The following ZNF697 variants were observed in gnomAD, a reference collection of about 807,000 sequenced individuals.
The protein encoded by ZNF697 is zinc finger protein 697.
A neutral mutation model predicts 32.4 loss-of-function variants in ZNF697; 23 were observed. The observed-to-expected ratio is 0.71, with a 90% confidence interval of 0.51 to 1.01. The LOEUF (loss-of-function observed/expected upper bound fraction) is 1.01. ZNF697 is among the 50% of genes least tolerant of loss of function. The probability of loss-of-function intolerance (pLI) is 0.00; values close to 1 mark genes in which losing one functional copy is unlikely to be tolerated. For synonymous variants in ZNF697, 418 were observed against 337.2 expected, an observed-to-expected ratio of 1.24 and a Z score of -2.62; for missense variants, 930 against 794.0, an observed-to-expected ratio of 1.17 and a Z score of -2.06.
Position 119,622,407 on chromosome 1 carries a change from T to TTCCACAAGG in ZNF697, c.*297_*298insCCTTGTGGA. On this transcript the variant is annotated 3_prime_UTR_variant, in exon 3 of 3. Coordinates refer to ENST00000421812, the MANE Select transcript of ZNF697 (RefSeq NM_001080470.2). Reference sequence around the variant, plus strand: ...TCCCACCCCAGCCCACGAACTGCCCTTCCTCAAAGTGCCTGGTCCTCCAAG... The same window carrying TTCCACAAGG: ...TCCCACCCCAGCCCACGAACTGCCCTTCCACAAGGTCCTCAAAGTGCCTGGTCCTCCAAG... 2.9e-6 allele frequency: 1 copy of TTCCACAAGG among 350,736 alleles called. No individual in the cohort carries two copies. The highest frequency in any genetic ancestry group is 5.0e-6 in the Non-Finnish European group (1 of 200,476). The allele number at this position is 350,736 out of a possible 1,614,324, so 21.7% of individuals were successfully genotyped here.
intron 1 of ZNF697, among the ~76,000 whole-genome samples, chr1:119,635,941 C>T (rs762396251): frequency 1.6e-4 from 24 of 151,950 alleles, no homozygotes; most frequent in Non-Finnish European, 2.6e-4. Context: ...TACATGAGAA[C>T]TGAAAGCTCA....
At chr1:119,627,953 A>G (rs1648644070) in intron 1 of ZNF697, among the ~76,000 whole-genome samples, 1 of 151,510 alleles carries the variant, frequency 6.6e-6, no homozygotes, top group Non-Finnish European at 1.5e-5. Context: ...GGACAAATAC[A>G]TCCCTTGAGT....
intron 1 of ZNF697, among the ~76,000 whole-genome samples, chr1:119,642,454 C>A (rs1229265462): frequency 6.6e-6 from 1 of 152,136 alleles, no homozygotes; most frequent in Non-Finnish European, 1.5e-5. Context: ...GGAGGCTGTA[C>A]ATGTGTGAGG....
intron 1 of ZNF697, among the ~76,000 whole-genome samples, chr1:119,627,048 G>A (rs1276292519): frequency 1.3e-5 from 2 of 152,054 alleles, no homozygotes; most frequent in Non-Finnish European, 2.9e-5. Flanking sequence ...AAATTTAAAG[G>A]GCCCCCTGCC....
In ZNF697 at chr1:119,620,637, C is replaced by A. The variant is rs1207207320; in HGVS notation, c.*2068G>T. ...ACTAGAAGAAAATGAGAATTAATGT[C>A]TTTCAAAACTGTCTGTAGTTTGAAA... On this transcript the variant is annotated 3_prime_UTR_variant, in exon 3 of 3. Coordinates refer to ENST00000421812, the MANE Select transcript of ZNF697 (RefSeq NM_001080470.2). 2 of 152,644 alleles carry A rather than the reference C, an allele frequency of 1.3e-5. No individual in the cohort carries two copies. Among genetic ancestry groups the A allele is most frequent in the African/African-American group, 2.4e-5 (1 of 41,450 alleles). The allele number at this position is 152,644 out of a possible 1,614,324, so 9.5% of individuals were successfully genotyped here.
intron 2 of ZNF697, among the ~76,000 whole-genome samples, chr1:119,625,072 C>T (rs1477484815): frequency 3.3e-5 from 5 of 151,970 alleles, no homozygotes; most frequent in African/African-American, 9.7e-5. Flanking sequence ...CCAGGACACA[C>T]ACCTGTTGGT....
At position 119,621,451 on chromosome 1, in the gene ZNF697, A is replaced by G. The variant is rs587730585; in HGVS notation, c.*1254T>C. The G allele has an allele frequency of 1.2e-4, 19 of 152,798 alleles. No homozygotes were observed. The highest frequency in any genetic ancestry group is 4.3e-4 in the African/African-American group (18 of 41,584). 9.5% of individuals were successfully genotyped at this position (152,798 alleles called of 1,614,324 possible). On this transcript the variant is annotated 3_prime_UTR_variant, in exon 3 of 3. Transcript: ENST00000421812. Reference sequence around the variant, plus strand: ...ATATCAAAGTGCTATTTTGGCATCTATATAACAACCAGAAAACATTCATTG... The same window carrying G: ...ATATCAAAGTGCTATTTTGGCATCTGTATAACAACCAGAAAACATTCATTG...
At chr1:119,628,039 T>C (rs942823477) in intron 1 of ZNF697, among the ~76,000 whole-genome samples, 7 of 111,094 alleles carry the variant, frequency 6.3e-5, no homozygotes, top group Non-Finnish European at 1.0e-4. Context: ...TTGCTAGTAG[T>C]GGAAAACAGT....
chr1:119,623,807 C>G lies in ZNF697; in HGVS notation c.536G>C (p.Ser179Thr). 1 of 1,546,962 alleles carries G rather than the reference C, an allele frequency of 6.5e-7. No homozygotes were observed. The change falls in exon 3 of 3, where the codon AGC (serine) becomes ACC (threonine). Residue 179 changes from serine (S) to threonine (T), a missense_variant. Ser to Thr is a moderately conservative substitution (Grantham distance 58, BLOSUM62 1). Coordinates refer to ENST00000421812, the MANE Select transcript of ZNF697 (RefSeq NM_001080470.2). ...CGCGTCCATGATGCTGGCCACCAGG[C>G]TATCCAGCTCCCCGAGGTCCACGGC... ...PMAVDLGELD[S>T]LVASIMDAPT...
chr1:119,624,399 C>T (rs1233562021), intron 2 of ZNF697, among the ~76,000 whole-genome samples: 3 of 152,152 alleles, frequency 2.0e-5, no homozygotes, highest in Non-Finnish European at 4.4e-5. Flanking sequence ...GCAGAGCCAT[C>T]TGAAGGCCTG....
At chr1:119,630,382 C>T (rs772653157) in intron 1 of ZNF697, among the ~76,000 whole-genome samples, 15 of 152,222 alleles carry the variant, frequency 9.9e-5, no homozygotes, top group Admixed American at 2.0e-4. Flanking sequence ...TCCACCACCA[C>T]CATCACAAAA....
At chr1:119,646,250 G>A (rs960347008) in intron 1 of ZNF697, among the ~76,000 whole-genome samples, 2 of 151,256 alleles carry the variant, frequency 1.3e-5, no homozygotes, top group African/African-American at 4.9e-5. Flanking sequence ...TCAATAGGAT[G>A]CCATCTTATT....
At chr1:119,627,756 G>T (rs7531516) in intron 1 of ZNF697, among the ~76,000 whole-genome samples, 2 of 151,934 alleles carry the variant, frequency 1.3e-5, no homozygotes, top group Admixed American at 1.3e-4. Flanking sequence ...CCTGAAATGC[G>T]GTTGAATTCC....
At chr1:119,624,163 C>T in intron 2 of ZNF697, 47 bp from the exon 3 acceptor site, 2 of 1,512,224 alleles carry the variant, frequency 1.3e-6, no homozygotes, top group Non-Finnish European at 1.8e-6. Flanking sequence ...ACTTGGCATT[C>T]AAAAGATAAG....
At chr1:119,638,130 A>T (rs1648975602) in intron 1 of ZNF697, among the ~76,000 whole-genome samples, 1 of 152,256 alleles carries the variant, frequency 6.6e-6, no homozygotes, top group Non-Finnish European at 1.5e-5. Context: ...ATCATTTTTA[A>T]ATTACTAAAA....
chr1:119,623,315 C>T lies in ZNF697; in HGVS notation c.1028G>A (p.Ser343Asn). The T allele has an allele frequency of 7.6e-7, 1 of 1,308,424 alleles. No individual in the cohort carries two copies. The highest frequency in any genetic ancestry group is 9.7e-7 in the Non-Finnish European group (1 of 1,030,658). 81.1% of individuals were successfully genotyped at this position (1,308,424 alleles called of 1,614,324 possible). The change falls in exon 3 of 3, where the codon AGC becomes AAC. Residue 343 changes from serine (S) to asparagine (N), a missense_variant. Coordinates refer to ENST00000421812, the MANE Select transcript of ZNF697 (RefSeq NM_001080470.2). ...LSHRRAHAAA[S>N]GAGAAALRPF... is the part of the protein sequence containing the mutation. ...CCGCAGCGCCGCCGCCCCCGCGCCG[C>T]TGGCCGCCGCGTGCGCGCGCCGGTG...
intron 1 of ZNF697, among the ~76,000 whole-genome samples, chr1:119,635,158 A>T (rs935822936): frequency 4.6e-5 from 7 of 152,050 alleles, no homozygotes; most frequent in African/African-American, 1.7e-4. Context: ...GGATAATTAT[A>T]TTTTTTTCTG....
At chr1:119,624,201 G>A in intron 2 of ZNF697, 85 bp from the exon 3 acceptor site, 5 of 1,436,026 alleles carry the variant, frequency 3.5e-6, no homozygotes, top group Non-Finnish European at 4.6e-6. Flanking sequence ...TAATAAAACT[G>A]TGATCCCCTC....
In ZNF697 at chr1:119,648,188, CGCTGGCTGGCTGGTTG is replaced by C. The variant is rs1185447072; in HGVS notation, c.-551_-536del. ...CGGCTGCAGCGGCCGCTGGGTGGCC[CGCTGGCTGGCTGGTTG>C]GCTGGCTGGCTGGCTGGCTGGCTGG... On this transcript the variant is annotated 5_prime_UTR_variant, in exon 1 of 3. Transcript: ENST00000421812. Among the ~76,000 whole-genome samples the C allele has an allele frequency of 3.3e-5, 4 of 122,266 alleles. No individual in the cohort carries two copies. Among genetic ancestry groups the C allele is most frequent in the Admixed American group, 7.9e-5 (1 of 12,684 alleles). The allele number at this position is 122,266 out of a possible 152,430, so 80.2% of individuals were successfully genotyped here.
Sources: allele counts gnomAD v4.1 joint callset (sites outside exome capture counted in the v4.1 genomes callset), GRCh38; gene constraint gnomAD v4.1.1; transcripts MANE v1.5; gene names NCBI Gene and HGNC (gene_info 2026-07-23, HGNC 2026-07-21).